Variants in LAMC1 observed in about 807,000 individuals in gnomAD.
LAMC1 encodes laminin subunit gamma-1.
LAMC1 carries 38 observed loss-of-function variants against 173.6 expected under a neutral mutation model. The observed-to-expected ratio is 0.22, with a 90% CI of 0.17 to 0.29. LAMC1 has a LOEUF of 0.29. LAMC1 is among the 10% of genes least tolerant of loss of function. The pLI, the probability that LAMC1 is intolerant of heterozygous loss-of-function variation, is 1.00. For missense variants in LAMC1, 1,824 were observed against 2,051.8 expected, an observed-to-expected ratio of 0.89 and a Z score of 2.14; for synonymous variants, 746 against 749.1, an observed-to-expected ratio of 1.00 and a Z score of 0.07.
Position 183,108,301 on chromosome 1 carries a change from G to A in LAMC1, c.749G>A (p.Arg250Lys). 1 of 1,613,528 alleles carries A rather than the reference G, an allele frequency of 6.2e-7. No homozygotes were observed. The highest frequency in any genetic ancestry group is 8.5e-7 in the Non-Finnish European group (1 of 1,179,626). Reference protein sequence around the residue: ...LQEWVTATDIRVTLNRLNTFG... With the variant: ...LQEWVTATDIKVTLNRLNTFG... ...GAATGGGTAACTGCCACTGACATCA[G>A]AGTAACTCTTAATCGCCTGAACACT... The change falls in exon 3 of 28, where the codon AGA becomes AAA. Residue 250 changes from arginine to lysine, a missense_variant. Physicochemically the swap from Arg to Lys is conservative, Grantham distance 26. Transcript: ENST00000258341.
At chr1:183,085,208 ACT>A (rs755515661) in intron 1 of LAMC1, among the ~76,000 whole-genome samples, 47 of 147,826 alleles carry the variant, frequency 3.2e-4, no homozygotes, top group Non-Finnish European at 1.6e-4. Context: ...ACAGAGTGAG[ACT>A]CTGTCTCAAA....
intron 1 of LAMC1, among the ~76,000 whole-genome samples, chr1:183,058,451 T>G (rs115955018): frequency 0.025 from 3,758 of 152,316 alleles, 67 homozygotes; most frequent in Admixed American, 0.049. Context: ...AGTTATTTGA[T>G]AATAGAGATT....
intron 1 of LAMC1, among the ~76,000 whole-genome samples, chr1:183,040,685 T>C (rs374667938): frequency 6.6e-6 from 1 of 152,206 alleles, no homozygotes; most frequent in Non-Finnish European, 1.5e-5. Context: ...ACCCTGAGGC[T>C]GTAACCCGGG....
intron 1 of LAMC1, among the ~76,000 whole-genome samples, chr1:183,038,307 G>A (rs1238234569): frequency 1.3e-5 from 2 of 152,132 alleles, no homozygotes; most frequent in African/African-American, 2.4e-5. Context: ...GGTTACAGGC[G>A]TGAGCCACTG....
At chr1:183,057,932 A>G (rs1654639479) in intron 1 of LAMC1, among the ~76,000 whole-genome samples, 1 of 152,182 alleles carries the variant, frequency 6.6e-6, no homozygotes, top group Non-Finnish European at 1.5e-5. Flanking sequence ...GTGCAGTTCA[A>G]TGCATAAGGA....
chr1:183,042,644 A>C (rs1191050430), intron 1 of LAMC1, among the ~76,000 whole-genome samples: 3 of 152,118 alleles, frequency 2.0e-5, no homozygotes, highest in Admixed American at 6.5e-5. Context: ...GATATAGAAA[A>C]ATAGGGACCA....
chr1:183,089,235 C>T lies in LAMC1; in HGVS notation c.419-14093C>T, dbSNP rs534589982. 2.0e-5 allele frequency among the ~76,000 whole-genome samples: 3 copies of T among 152,302 alleles called. No homozygotes were observed. In the South Asian group the frequency reaches 6.2e-4, roughly 32 times the overall value. ...ATTGTGGGTGCATGTGAAATACTCC[C>T]ATGGAGGAGAACTGCAGTGCTGTCT... On this transcript the variant is annotated intron_variant, in intron 1 of 27. Transcript: ENST00000258341.
intron 27 of LAMC1, chr1:183,140,710 C>G: frequency 2.9e-6 from 1 of 349,320 alleles, no homozygotes; most frequent in Non-Finnish European, 5.1e-6. Flanking sequence ...ATGACAGGGT[C>G]TTTAAGAGCA....
intron 8 of LAMC1, chr1:183,117,112 A>G: frequency 2.9e-6 from 2 of 681,562 alleles, no homozygotes; most frequent in Non-Finnish European, 4.7e-6. Context: ...TGGTGATTAC[A>G]AATGTTATAT....
chr1:183,094,334 G>A (rs1227288736), intron 1 of LAMC1, among the ~76,000 whole-genome samples: 1 of 152,164 alleles, frequency 6.6e-6, no homozygotes, highest in Non-Finnish European at 1.5e-5. Context: ...GACCATCTCT[G>A]ATAATGCTGA....
rs1395472948 is a variant in LAMC1 at position 183,117,645 on chromosome 1, C to T, written c.1799C>T (p.Ala600Val). Residue 600 changes from alanine (A) to valine (V), a missense_variant, in exon 10 of 28, where the codon GCT becomes GTT. Coordinates refer to ENST00000258341, the MANE Select transcript of LAMC1 (RefSeq NM_002293.4). ...LSAEDLVLEG[A>V]GLRVSVPLIA... ...GCAGAAGACCTTGTGCTTGAGGGAG[C>T]TGGCTTAAGAGTATCTGTACCCTTG... 6.2e-7 allele frequency: 1 copy of T among 1,614,218 alleles called. No individual in the cohort carries two copies. The highest frequency in any genetic ancestry group is 1.7e-5 in the Admixed American group (1 of 60,032).
At chr1:183,055,991 G>T (rs192562561) in intron 1 of LAMC1, among the ~76,000 whole-genome samples, 3 of 152,324 alleles carry the variant, frequency 2.0e-5, no homozygotes, top group Admixed American at 1.3e-4. Flanking sequence ...AGTGTCTTGT[G>T]TATGGAATAA....
In LAMC1 at chr1:183,116,680, T is replaced by C. The variant is rs1440041256; in HGVS notation, c.1427+5T>C. Reference sequence around the variant, plus strand: ...CGAAGGCTTCAATTGTGAAAGGTAGTGCATTCTTTCTCTAGCTGCATTGTG... The same window carrying C: ...CGAAGGCTTCAATTGTGAAAGGTAGCGCATTCTTTCTCTAGCTGCATTGTG... On this transcript the variant is annotated splice_donor_5th_base_variant and intron_variant, in intron 7 of 27. Coordinates refer to ENST00000258341, the MANE Select transcript of LAMC1 (RefSeq NM_002293.4). 2 of 1,610,420 alleles carry C rather than the reference T, an allele frequency of 1.2e-6. No homozygotes were observed. Among genetic ancestry groups the C allele is most frequent in the South Asian group, 1.1e-5 (1 of 90,964 alleles).
At chr1:183,053,548 C>T (rs1654495543) in intron 1 of LAMC1, among the ~76,000 whole-genome samples, 1 of 151,980 alleles carries the variant, frequency 6.6e-6, no homozygotes. Flanking sequence ...TCTTAGACTG[C>T]ATTGGTGGCT....
chr1:183,106,492 G>A (rs1655981523), intron 2 of LAMC1, among the ~76,000 whole-genome samples: 1 of 152,122 alleles, frequency 6.6e-6, no homozygotes, highest in African/African-American at 2.4e-5. Context: ...TATTTGGTGT[G>A]GCTTAAGGCA....
At chr1:183,105,233 AAAAAAAAAAAAAAG>A (rs1428018363) in intron 2 of LAMC1, among the ~76,000 whole-genome samples, 2 of 145,564 alleles carry the variant, frequency 1.4e-5, no homozygotes, top group Non-Finnish European at 3.0e-5. Context: ...TCAAAAAAAA[AAAAAAAAAAAAAAG>A]AAAGAAAGAA....
At chr1:183,099,710 A>G (rs566191168) in intron 1 of LAMC1, among the ~76,000 whole-genome samples, 2 of 152,140 alleles carry the variant, frequency 1.3e-5, no homozygotes, top group South Asian at 2.1e-4. Context: ...CTTGCTCCAT[A>G]TGCTTCAACT....
At chr1:183,103,285 T>G (rs1655879976) in intron 1 of LAMC1, 43 bp from the exon 2 acceptor site, 1 of 1,567,346 alleles carries the variant, frequency 6.4e-7, no homozygotes, top group East Asian at 2.2e-5. Flanking sequence ...ATTTGTTTGC[T>G]TCATACGTAT....
At chr1:183,091,040 A>T (rs942564766) in intron 1 of LAMC1, among the ~76,000 whole-genome samples, 5 of 152,194 alleles carry the variant, frequency 3.3e-5, no homozygotes, top group African/African-American at 1.2e-4. Context: ...TCTTTCTGTG[A>T]AATCATAGAT....
Sources: allele counts gnomAD v4.1 joint callset (sites outside exome capture counted in the v4.1 genomes callset), GRCh38; gene constraint gnomAD v4.1.1; transcripts MANE v1.5; gene names NCBI Gene and HGNC (gene_info 2026-07-23, HGNC 2026-07-21).